The following KIAA1217 variants were observed in gnomAD, a reference collection of about 807,000 sequenced individuals.
KIAA1217 encodes KIAA1217.
KIAA1217 carries 88 observed loss-of-function variants against 163.9 expected under a neutral mutation model. That is an observed-to-expected ratio of 0.54 (90% CI 0.45 to 0.64). The LOEUF is 0.64. Among genes scored for constraint, KIAA1217 ranks in the 30% least tolerant of loss-of-function variants. The pLI is 0.00. For synonymous variants in KIAA1217, 903 were observed against 923.1 expected (o/e 0.98, Z 0.39); for missense variants, 2,372 against 2,475.0 (o/e 0.96, Z 0.88).
chr10:24,162,210 A>G (rs1589728945), intron 2 of KIAA1217, among the ~76,000 whole-genome samples: 1 of 152,246 alleles, frequency 6.6e-6, no homozygotes, highest in Non-Finnish European at 1.5e-5. Flanking sequence ...CAGGGAAAGA[A>G]CAGCCTCTGG....
At chr10:24,463,949 G>A (rs1003060886) in intron 5 of KIAA1217, among the ~76,000 whole-genome samples, 1 of 152,208 alleles carries the variant, frequency 6.6e-6, no homozygotes, top group Non-Finnish European at 1.5e-5. Flanking sequence ...GAAGGATCTG[G>A]TGATGTAATC....
intron 1 of KIAA1217, among the ~76,000 whole-genome samples, chr10:23,957,304 G>A (rs961633083): frequency 2.6e-5 from 4 of 152,088 alleles, no homozygotes; most frequent in South Asian, 2.1e-4. Flanking sequence ...AAGCCCTGTC[G>A]TTTCCTACCT....
At chr10:24,310,124 G>A (rs991516624) in intron 2 of KIAA1217, among the ~76,000 whole-genome samples, 2 of 152,130 alleles carry the variant, frequency 1.3e-5, no homozygotes, top group African/African-American at 4.8e-5. Context: ...TAGATATTAA[G>A]CAGGAGAAGT....
chr10:24,114,989 G>A (rs2062996104), intron 2 of KIAA1217, among the ~76,000 whole-genome samples: 1 of 152,208 alleles, frequency 6.6e-6, no homozygotes, highest in Non-Finnish European at 1.5e-5. Flanking sequence ...CTTCCGGCAT[G>A]TGGCTAAAAT....
intron 2 of KIAA1217, among the ~76,000 whole-genome samples, chr10:24,364,571 A>T (rs965122973): frequency 3.3e-5 from 5 of 152,100 alleles, no homozygotes; most frequent in African/African-American, 1.2e-4. Context: ...ATCTTCTGAG[A>T]AGGGCTTCCT....
At chr10:23,738,063 C>T (rs1838910535) in intron 1 of KIAA1217, among the ~76,000 whole-genome samples, 1 of 152,014 alleles carries the variant, frequency 6.6e-6, no homozygotes, top group African/African-American at 2.4e-5. Context: ...AAACTTCTCC[C>T]TCCACGCATA....
In KIAA1217 at chr10:24,258,655, C is replaced by T. The variant is rs1156983106; in HGVS notation, c.354+38746C>T. Among the ~76,000 whole-genome samples, 7 of 151,212 alleles carry T rather than the reference C, an allele frequency of 4.6e-5. No homozygotes were observed. The South Asian group carries it at 8.4e-4, about 18-fold the overall frequency. On this transcript the variant is annotated intron_variant, in intron 2 of 20. Transcript: ENST00000376454. ...TCACCCAGGCTGGAGTGCAGTGGCGCGATCTCGGCTCATTGCAAGCTCCAC... is the reference window on the plus strand; with the variant it reads ...TCACCCAGGCTGGAGTGCAGTGGCGTGATCTCGGCTCATTGCAAGCTCCAC...
intron 10 of KIAA1217, among the ~76,000 whole-genome samples, chr10:24,518,320 A>G (rs574770472): frequency 6.7e-5 from 8 of 119,782 alleles, no homozygotes; most frequent in Non-Finnish European, 1.4e-4. Flanking sequence ...TGTTTTATCT[A>G]AAGTAGGTAT....
intron 1 of KIAA1217, among the ~76,000 whole-genome samples, chr10:23,875,648 C>G (rs926066373): frequency 6.6e-6 from 1 of 152,008 alleles, no homozygotes; most frequent in African/African-American, 2.4e-5. Context: ...CACATACACA[C>G]GTATGTTTAT....
intron 1 of KIAA1217, among the ~76,000 whole-genome samples, chr10:23,819,782 T>A (rs1837534022): frequency 6.6e-6 from 1 of 152,190 alleles, no homozygotes; most frequent in South Asian, 2.1e-4. Context: ...TCCCTTTATA[T>A]GCTATATGGA....
At chr10:23,742,543 C>A (rs1205938250) in intron 1 of KIAA1217, among the ~76,000 whole-genome samples, 1 of 152,164 alleles carries the variant, frequency 6.6e-6, no homozygotes, top group African/African-American at 2.4e-5. Context: ...GAAGCAGGCA[C>A]ATCACATGGC....
At chr10:24,464,092 C>T (rs933381539) in intron 5 of KIAA1217, among the ~76,000 whole-genome samples, 2 of 152,128 alleles carry the variant, frequency 1.3e-5, no homozygotes, top group African/African-American at 4.8e-5. Context: ...TCCTAGATGG[C>T]ACCAGGATAT....
At chr10:23,968,220 G>T (rs1845154963) in intron 1 of KIAA1217, among the ~76,000 whole-genome samples, 1 of 152,064 alleles carries the variant, frequency 6.6e-6, no homozygotes, top group South Asian at 2.1e-4. Context: ...TGCATCAAAG[G>T]CAACGCTTAA....
intron 2 of KIAA1217, among the ~76,000 whole-genome samples, chr10:24,374,491 C>T (rs2052171661): frequency 6.6e-6 from 1 of 152,202 alleles, no homozygotes; most frequent in African/African-American, 2.4e-5. Context: ...ATTTATTCTC[C>T]TCTACCACCA....
intron 2 of KIAA1217, among the ~76,000 whole-genome samples, chr10:24,147,294 T>C (rs1487063019): frequency 6.6e-6 from 1 of 152,120 alleles, no homozygotes; most frequent in Non-Finnish European, 1.5e-5. Flanking sequence ...GAGTGAAGAG[T>C]AGATTGTCTT....
chr10:23,865,283 A>C (rs1460391265), intron 1 of KIAA1217, among the ~76,000 whole-genome samples: 1 of 152,184 alleles, frequency 6.6e-6, no homozygotes, highest in Non-Finnish European at 1.5e-5. Flanking sequence ...AAATGAATGA[A>C]ATATGGCATC....
At chr10:24,489,416 T>C (rs538596034) in intron 6 of KIAA1217, among the ~76,000 whole-genome samples, 7 of 152,212 alleles carry the variant, frequency 4.6e-5, no homozygotes, top group Admixed American at 1.3e-4. Flanking sequence ...GGATTCTTAA[T>C]AGGGGAATCG....
chr10:23,905,061 T>TC (rs1364006528), intron 1 of KIAA1217, among the ~76,000 whole-genome samples: 1 of 142,208 alleles, frequency 7.0e-6, no homozygotes, highest in Non-Finnish European at 1.5e-5. Flanking sequence ...TTTTCTCTTT[T>TC]CCTTTTTTTT....
At chr10:24,350,769 C>T (rs1029156147) in intron 2 of KIAA1217, among the ~76,000 whole-genome samples, 10 of 151,894 alleles carry the variant, frequency 6.6e-5, no homozygotes, top group Non-Finnish European at 1.5e-4. Flanking sequence ...AAACTTCCCT[C>T]CTGCATTCAT....
Sources: gnomAD v4.1 joint callset for allele counts (sites outside exome capture counted in the v4.1 genomes callset) on GRCh38, gnomAD v4.1.1 for gene constraint, MANE v1.5 for transcripts, NCBI Gene and HGNC (gene_info 2026-07-23, HGNC 2026-07-21) for gene names.